TMEM8B: variants seen among roughly 807,000 people sequenced by gnomAD.
The protein encoded by TMEM8B is transmembrane protein 8B.
In TMEM8B, 29 loss-of-function variants were observed where a neutral mutation model predicts 49.3. That is an observed-to-expected ratio of 0.59 (90% confidence interval 0.44 to 0.80). The LOEUF is 0.80. Among genes scored for constraint, TMEM8B ranks in the 30% least tolerant of loss-of-function variants. TMEM8B has a pLI of 0.00. For synonymous variants in TMEM8B, 264 were observed against 272.8 expected (o/e 0.97, Z 0.32); for missense variants, 575 against 658.5 (o/e 0.87, Z 1.39).
chr9:35,847,119 A>G, intron 10 of TMEM8B, 124 bp downstream of exon 10: 1 of 1,614,204 alleles, frequency 6.2e-7, no homozygotes, highest in South Asian at 1.1e-5. Context: ...TCTTCTACAG[A>G]CAGAGACAGC....
chr9:35,846,433 G>C, intron 8 of TMEM8B, 36 bp from the exon 9 acceptor site: 1 of 1,597,682 alleles, frequency 6.3e-7, no homozygotes, highest in Non-Finnish European at 8.5e-7. Context: ...GGCGGGGGTG[G>C]CCCGGGGCCC....
rs1043655359 is a variant in TMEM8B, at chr9:35,860,162, G to A, written c.*6322G>A. ...AGATCTGCAATCTGGCCTTCTCAGC[G>A]CTGCAGTTCTGTGGACGTCACTGAG... On this transcript the variant is annotated 3_prime_UTR_variant, in exon 13 of 13. Coordinates refer to ENST00000643932, the MANE Select transcript of TMEM8B (RefSeq NM_001042590.4). The A allele has an allele frequency of 2.0e-5, 3 of 152,282 alleles. No individual in the cohort carries two copies. Among genetic ancestry groups the A allele is most frequent in the East Asian group, 1.9e-4 (1 of 5,202 alleles). The allele number at this position is 152,282 out of a possible 1,614,324, so 9.4% of individuals were successfully genotyped here. A position where few individuals can be genotyped will look rare whatever the true frequency, so the allele number is the denominator to read the frequency against.
intron 10 of TMEM8B, among the ~76,000 whole-genome samples, chr9:35,848,860 A>G (rs534047280): frequency 6.6e-6 from 1 of 151,970 alleles, no homozygotes; most frequent in East Asian, 1.9e-4. Flanking sequence ...TTTTTAGTAG[A>G]GACAGGATTT....
In TMEM8B at chr9:35,863,359, A is replaced by G. The variant is rs531300836; in HGVS notation, c.*9519A>G. 1 of 152,206 alleles carries G rather than the reference A, an allele frequency of 6.6e-6. No individual in the cohort carries two copies. The highest frequency in any genetic ancestry group is 6.5e-5 in the Admixed American group (1 of 15,276). 9.4% of individuals were successfully genotyped at this position (152,206 alleles called of 1,614,324 possible). A position where few individuals can be genotyped will look rare whatever the true frequency, so the allele number is the denominator to read the frequency against. ...AGTAACATGGTGGGTTTTCCTCACAACTTAAAAGTCTGATCGTAACACATT... is the reference window on the plus strand; with the variant it reads ...AGTAACATGGTGGGTTTTCCTCACAGCTTAAAAGTCTGATCGTAACACATT... On this transcript the variant is annotated 3_prime_UTR_variant, in exon 13 of 13. Coordinates refer to ENST00000643932, the MANE Select transcript of TMEM8B (RefSeq NM_001042590.4).
chr9:35,843,955 G>A (rs1382692600), intron 6 of TMEM8B, among the ~76,000 whole-genome samples: 1 of 151,938 alleles, frequency 6.6e-6, no homozygotes, highest in East Asian at 1.9e-4. Flanking sequence ...GTAGAGACTG[G>A]GTTTCACCAT....
intron 10 of TMEM8B, among the ~76,000 whole-genome samples, chr9:35,852,008 A>G (rs1411104136): frequency 6.6e-6 from 1 of 152,208 alleles, no homozygotes; most frequent in Admixed American, 6.5e-5. Context: ...AAATAAGGGA[A>G]CACAGGATGC....
chr9:35,841,033 G>A lies in TMEM8B; in HGVS notation c.907-101G>A. The A allele has an allele frequency of 2.4e-6, 1 of 411,840 alleles. No individual in the cohort carries two copies. Among genetic ancestry groups the A allele is most frequent in the East Asian group, 3.6e-5 (1 of 28,044 alleles). The allele number at this position is 411,840 out of a possible 1,614,324, so 25.5% of individuals were successfully genotyped here. ...TAGAGGCCTGGGAGTGGTGGCCGGG[G>A]CGGGGGTTTCTCCCCAGCCCGCCCA... On this transcript the variant is annotated intron_variant, in intron 3 of 12. Coordinates refer to ENST00000643932, the MANE Select transcript of TMEM8B (RefSeq NM_001042590.4). The surrounding 1 kb of genome is among the most constrained non-coding windows in gnomAD (Gnocchi z 5.9).
At chr9:35,835,676 C>G (rs561771081) in intron 3 of TMEM8B, among the ~76,000 whole-genome samples, 3 of 152,340 alleles carry the variant, frequency 2.0e-5, no homozygotes, top group Admixed American at 2.0e-4. Flanking sequence ...AGAATGTATT[C>G]CTCTTGCATC....
Position 35,842,756 on chromosome 9 carries a change from G to A in TMEM8B, c.1635+39G>A. 1.3e-6 allele frequency: 2 copies of A among 1,564,006 alleles called. No individual in the cohort carries two copies. The highest frequency in any genetic ancestry group is 1.7e-6 in the Non-Finnish European group (2 of 1,152,346). On this transcript the variant is annotated intron_variant, in intron 6 of 12. Transcript: ENST00000643932. This position sits in a 1 kb window ranked among gnomAD's most constrained non-coding sequence, Gnocchi z 5.6. ...AGAGTGGGGAGGTTGCTCTGCCAGGGAGCTTGAAGGGGAAGGTGTCAGGGG... is the reference window on the plus strand; with the variant it reads ...AGAGTGGGGAGGTTGCTCTGCCAGGAAGCTTGAAGGGGAAGGTGTCAGGGG...
intron 3 of TMEM8B, among the ~76,000 whole-genome samples, chr9:35,840,054 G>T (rs116031566): frequency 2.6e-5 from 4 of 151,960 alleles, no homozygotes; most frequent in African/African-American, 9.7e-5. Flanking sequence ...GTCCTAATTA[G>T]GAGCCCCCAC....
At position 35,846,353 on chromosome 9, in the gene TMEM8B, C is replaced by T. The variant is rs1831556547; in HGVS notation, c.1825C>T (p.Leu609Phe). 1 of 1,613,912 alleles carries T rather than the reference C, an allele frequency of 6.2e-7. No individual in the cohort carries two copies. ...FPQTGTWFLA[L>F]RSLCGVGPRF... ...GCAGACGGGGACCTGGTTCCTGGCC[C>T]TCCGCTCCCTGTGCGGGGTGGGGCC... is the stretch of plus-strand genomic sequence containing the variant. Residue 609 changes from leucine to phenylalanine, a missense_variant, in exon 8 of 13, where the codon CTC (leucine) becomes TTC (phenylalanine). By Grantham distance (22) the Leu-to-Phe change is conservative. Coordinates refer to ENST00000643932, the MANE Select transcript of TMEM8B (RefSeq NM_001042590.4).
At chr9:35,838,682 AAGT>A (rs1830673983) in intron 3 of TMEM8B, among the ~76,000 whole-genome samples, 1 of 152,160 alleles carries the variant, frequency 6.6e-6, no homozygotes, top group Non-Finnish European at 1.5e-5. Context: ...GTGAAGCTAA[AAGT>A]ATAAAACTCT....
rs1317306675 is a variant in TMEM8B, at chr9:35,859,821, G to A, written c.*5981G>A. 1.3e-5 allele frequency: 2 copies of A among 153,834 alleles called. No homozygotes were observed. Among genetic ancestry groups the A allele is most frequent in the Admixed American group, 6.5e-5 (1 of 15,286 alleles). 9.5% of individuals were successfully genotyped at this position (153,834 alleles called of 1,614,324 possible). A position where few individuals can be genotyped will look rare whatever the true frequency, so the allele number is the denominator to read the frequency against. On this transcript the variant is annotated 3_prime_UTR_variant, in exon 13 of 13. Transcript: ENST00000643932. ...GAGAAGTACATGGGGTTGTGCAGGC[G>A]AGGGTGCAGCACGTTCAGCCCTATG...
At chr9:35,831,429 T>G (rs533660272) in intron 1 of TMEM8B, among the ~76,000 whole-genome samples, 60 of 152,296 alleles carry the variant, frequency 3.9e-4, no homozygotes, top group African/African-American at 1.4e-3. Context: ...AGGGCAGTGT[T>G]GCATGCCTCC....
At position 35,842,532 on chromosome 9, in the gene TMEM8B, C is replaced by A; in HGVS notation, c.1450C>A (p.Pro484Thr). ...PAEGPGTTSP[P>T]EHCWPVRPTL... ...GGAGGGGCCTGGGACCACGTCCCCACCCGAGCACTGCTGGCCAGTGCGCCC... is the reference window on the plus strand; with the variant it reads ...GGAGGGGCCTGGGACCACGTCCCCAACCGAGCACTGCTGGCCAGTGCGCCC... The change falls in exon 6 of 13, where the codon CCC (proline) becomes ACC (threonine). Residue 484 changes from proline to threonine, a missense_variant. Pro to Thr is a conservative substitution (Grantham distance 38). Coordinates refer to ENST00000643932, the MANE Select transcript of TMEM8B (RefSeq NM_001042590.4). This position sits in a 1 kb window ranked among gnomAD's most constrained non-coding sequence, Gnocchi z 5.6. 6.2e-7 allele frequency: 1 copy of A among 1,614,104 alleles called. No individual in the cohort carries two copies. Among genetic ancestry groups the A allele is most frequent in the Non-Finnish European group, 8.5e-7 (1 of 1,179,976 alleles).
intron 3 of TMEM8B, among the ~76,000 whole-genome samples, chr9:35,838,920 C>T (rs1168777407): frequency 2.6e-5 from 4 of 152,222 alleles, no homozygotes; most frequent in Admixed American, 6.5e-5. Context: ...TCTTCATTTC[C>T]ACTTCTAGCA....
In TMEM8B at chr9:35,856,881, C is replaced by G. The variant is rs1224156911; in HGVS notation, c.*3041C>G. The G allele has an allele frequency of 6.6e-6, 1 of 152,060 alleles. No homozygotes were observed. Among genetic ancestry groups the G allele is most frequent in the African/African-American group, 2.4e-5 (1 of 41,382 alleles). 9.4% of individuals were successfully genotyped at this position (152,060 alleles called of 1,614,324 possible). A position where few individuals can be genotyped will look rare whatever the true frequency, so the allele number is the denominator to read the frequency against. ...CAGTTTGAGGTGCATGTGGGATTCC[C>G]GGAGGGAAGGGGGCCAGCAATATGA... On this transcript the variant is annotated 3_prime_UTR_variant, in exon 13 of 13. Coordinates refer to ENST00000643932, the MANE Select transcript of TMEM8B (RefSeq NM_001042590.4).
intron 1 of TMEM8B, among the ~76,000 whole-genome samples, chr9:35,831,945 A>G (rs1219808777): frequency 2.6e-5 from 4 of 152,158 alleles, no homozygotes; most frequent in Non-Finnish European, 5.9e-5. Flanking sequence ...TCATAGGACC[A>G]TCATGGCACA....
intron 10 of TMEM8B, among the ~76,000 whole-genome samples, chr9:35,852,250 A>G (rs1832204968): frequency 6.6e-6 from 1 of 152,028 alleles, no homozygotes; most frequent in Admixed American, 6.5e-5. Flanking sequence ...GTTCTTCCCC[A>G]TGGTGTGAAG....
Sources: gnomAD v4.1 joint callset for allele counts (sites outside exome capture counted in the v4.1 genomes callset) on GRCh38, gnomAD v4.1.1 for gene constraint, Gnocchi (gnomAD v3.1) non-coding constraint, MANE v1.5 for transcripts, NCBI Gene and HGNC (gene_info 2026-07-23, HGNC 2026-07-21) for gene names.